Variants in ZNF804B observed in about 807,000 individuals in gnomAD.
ZNF804B encodes the protein zinc finger 804B.
In ZNF804B, 80 loss-of-function variants were observed where a neutral mutation model predicts 101.4. The ratio of observed to expected loss-of-function variants is 0.79; its 90% confidence interval spans 0.66 to 0.95. The LOEUF (loss-of-function observed/expected upper bound fraction) is 0.95, where lower values mean the gene tolerates loss of function less well. ZNF804B is among the 40% of genes least tolerant of loss of function. The pLI, the probability that ZNF804B is intolerant of heterozygous loss-of-function variation, is 0.00. For missense variants in ZNF804B, 1,673 were observed against 1,561.9 expected (o/e 1.07, Z -1.20); for synonymous variants, 622 against 558.8 (o/e 1.11, Z -1.59).
chr7:88,817,223 G>A (rs959483546), intron 1 of ZNF804B, among the ~76,000 whole-genome samples: 13 of 152,020 alleles, frequency 8.6e-5, no homozygotes, highest in African/African-American at 3.1e-4. Context: ...ACACAGTGGG[G>A]CCTGTTGTGG....
intron 2 of ZNF804B, among the ~76,000 whole-genome samples, chr7:89,290,060 C>A (rs180872877): frequency 7.6e-4 from 115 of 152,274 alleles, no homozygotes; most frequent in African/African-American, 2.7e-3. Context: ...GATTGTGAGG[C>A]CACCCTTCCA....
intron 1 of ZNF804B, among the ~76,000 whole-genome samples, chr7:89,156,247 G>A (rs1008538848): frequency 2.6e-5 from 4 of 151,916 alleles, no homozygotes; most frequent in African/African-American, 7.3e-5. Context: ...CCGAGTAGCT[G>A]GGATTACAGC....
At chr7:89,242,407 T>G (rs1789385752) in intron 2 of ZNF804B, among the ~76,000 whole-genome samples, 1 of 151,956 alleles carries the variant, frequency 6.6e-6, no homozygotes, top group Non-Finnish European at 1.5e-5. Context: ...TGTAATTACT[T>G]TTGTACCAAC....
chr7:89,033,867 G>C (rs1169827529), intron 1 of ZNF804B, among the ~76,000 whole-genome samples: 1 of 151,832 alleles, frequency 6.6e-6, no homozygotes, highest in Non-Finnish European at 1.5e-5. Context: ...TTTCAGTTAT[G>C]TTATTTAGAA....
intron 1 of ZNF804B, among the ~76,000 whole-genome samples, chr7:88,871,105 C>G (rs60934624): frequency 0.2 from 30,519 of 151,858 alleles, 3,486 homozygotes; most frequent in African/African-American, 0.33. Flanking sequence ...TTATTAAACC[C>G]GAGAACCATT....
chr7:89,309,955 T>C (rs745962300), intron 2 of ZNF804B, among the ~76,000 whole-genome samples: 2 of 151,716 alleles, frequency 1.3e-5, no homozygotes, highest in African/African-American at 2.4e-5. Flanking sequence ...GGGATGGCCA[T>C]ATAGCTGGCT....
chr7:89,210,187 A>G (rs865822386), intron 1 of ZNF804B, among the ~76,000 whole-genome samples: 20 of 152,136 alleles, frequency 1.3e-4, no homozygotes, highest in South Asian at 8.3e-4. Flanking sequence ...CTTTGGAGAA[A>G]TCAACATTAG....
At chr7:88,784,172 T>C (rs1790267187) in intron 1 of ZNF804B, among the ~76,000 whole-genome samples, 1 of 152,162 alleles carries the variant, frequency 6.6e-6, no homozygotes, top group South Asian at 2.1e-4. Flanking sequence ...ACAATGTGGC[T>C]GATCCATAAA....
intron 1 of ZNF804B, among the ~76,000 whole-genome samples, chr7:88,790,926 G>T (rs532922418): frequency 6.6e-6 from 1 of 152,136 alleles, no homozygotes; most frequent in South Asian, 2.1e-4. Flanking sequence ...ACAGCTAAAT[G>T]AGTCCAATTT....
chr7:89,329,836 G>A (rs552590877), intron 3 of ZNF804B, among the ~76,000 whole-genome samples: 17 of 151,612 alleles, frequency 1.1e-4, no homozygotes, highest in Non-Finnish European at 1.9e-4. Flanking sequence ...AATGTTCCAC[G>A]TTATCTAGCT....
chr7:89,223,532 A>G (rs1789036281), intron 2 of ZNF804B, among the ~76,000 whole-genome samples: 1 of 151,824 alleles, frequency 6.6e-6, no homozygotes, highest in Non-Finnish European at 1.5e-5. Flanking sequence ...GTAAAAGAGT[A>G]TGTGATACAT....
intron 1 of ZNF804B, among the ~76,000 whole-genome samples, chr7:89,102,827 T>C (rs952683960): frequency 2.0e-5 from 3 of 151,922 alleles, no homozygotes; most frequent in African/African-American, 7.2e-5. Context: ...TACATTTAGG[T>C]GTTTAATCCA....
intron 1 of ZNF804B, among the ~76,000 whole-genome samples, chr7:89,171,829 G>T (rs1240387501): frequency 6.6e-6 from 1 of 152,062 alleles, no homozygotes; most frequent in Non-Finnish European, 1.5e-5. Context: ...TCCGAGCCTG[G>T]ATCATCTTAT....
chr7:89,269,828 GTTTTC>G (rs1375424996), intron 2 of ZNF804B, among the ~76,000 whole-genome samples: 2 of 152,030 alleles, frequency 1.3e-5, no homozygotes, highest in Non-Finnish European at 2.9e-5. Context: ...TGATGAGTAA[GTTTTC>G]ATGTGTCTGT....
chr7:89,112,353 C>A (rs963500378), intron 1 of ZNF804B, among the ~76,000 whole-genome samples: 3 of 152,070 alleles, frequency 2.0e-5, no homozygotes, highest in African/African-American at 7.2e-5. Context: ...CCAATTATTC[C>A]TCTACCATTT....
At chr7:88,763,703 C>T (rs1274810813) in intron 1 of ZNF804B, among the ~76,000 whole-genome samples, 1 of 151,992 alleles carries the variant, frequency 6.6e-6, no homozygotes, top group Non-Finnish European at 1.5e-5. Context: ...AATATGACTA[C>T]ATGATGACTT....
intron 1 of ZNF804B, among the ~76,000 whole-genome samples, chr7:88,856,303 C>T (rs1791558367): frequency 6.6e-6 from 1 of 151,992 alleles, no homozygotes; most frequent in African/African-American, 2.4e-5. Context: ...TTGTAGTTCT[C>T]CTTGAAGAGG....
intron 1 of ZNF804B, among the ~76,000 whole-genome samples, chr7:88,942,672 A>G (rs17165641): frequency 0.1 from 15,527 of 151,466 alleles, 866 homozygotes; most frequent in South Asian, 0.18. Flanking sequence ...TATTACACTT[A>G]AAAAAAACCA....
chr7:88,973,023 A>T (rs916943385), intron 1 of ZNF804B, among the ~76,000 whole-genome samples: 1 of 151,418 alleles, frequency 6.6e-6, no homozygotes, highest in Non-Finnish European at 1.5e-5. Flanking sequence ...AATGACACAT[A>T]GATATCCTGC....
Sources: allele counts gnomAD v4.1 joint callset (sites outside exome capture counted in the v4.1 genomes callset), GRCh38; gene constraint gnomAD v4.1.1; transcripts MANE v1.5; gene names NCBI Gene and HGNC (gene_info 2026-07-23, HGNC 2026-07-21).